Variants in INKA2 observed in about 807,000 individuals in gnomAD.
The protein encoded by INKA2 is PAK4-inhibitor INKA2.
In INKA2, 3 loss-of-function variants were observed where a neutral mutation model predicts 9.8. That is an observed-to-expected ratio of 0.31 (90% CI 0.14 to 0.79). INKA2 has a LOEUF of 0.79. Among genes scored for constraint, INKA2 ranks in the 30% least tolerant of loss-of-function variants. INKA2 has a pLI of 0.62. For synonymous variants in INKA2, 147 were observed against 143.3 expected (o/e 1.03, Z -0.18); for missense variants, 392 against 384.4 (o/e 1.02, Z -0.17).
upstream of INKA2, among the ~76,000 whole-genome samples, chr1:111,740,879 G>T (rs1192998017): frequency 6.6e-6 from 1 of 150,590 alleles, no homozygotes; most frequent in African/African-American, 2.4e-5. Flanking sequence ...GGCTGAGGAA[G>T]GAGAATCGCT....
intron 1 of INKA2, among the ~76,000 whole-genome samples, chr1:111,732,934 T>G (rs1008250732): frequency 1.3e-5 from 2 of 152,162 alleles, no homozygotes; most frequent in Non-Finnish European, 2.9e-5. Context: ...ATCGCCCACT[T>G]TTTGTGCCCG....
At chr1:111,734,729 C>T (rs1180300137) in intron 1 of INKA2, among the ~76,000 whole-genome samples, 1 of 152,264 alleles carries the variant, frequency 6.6e-6, no homozygotes, top group African/African-American at 2.4e-5. Context: ...GTTTCATTAT[C>T]TGCCTGGATT....
At chr1:111,739,680 A>G (rs1663099486), upstream of INKA2, among the ~76,000 whole-genome samples, 1 of 152,218 alleles carries the variant, frequency 6.6e-6, no homozygotes, top group Non-Finnish European at 1.5e-5. Context: ...GTGGTCATAA[A>G]GGGAGAGCAC....
intron 1 of INKA2, among the ~76,000 whole-genome samples, chr1:111,730,397 C>A (rs17028390): frequency 0.013 from 1,948 of 152,276 alleles, 54 homozygotes; most frequent in African/African-American, 0.045. Context: ...TTTCCTCCCA[C>A]AAATGTCGCA....
At position 111,725,417 on chromosome 1, in the gene INKA2, G is replaced by C. The variant is rs1364319726; in HGVS notation, c.*1551C>G. 2.0e-5 allele frequency: 3 copies of C among 151,740 alleles called. No homozygotes were observed. Among genetic ancestry groups the C allele is most frequent in the South Asian group, 2.1e-4 (1 of 4,818 alleles). 9.4% of individuals were successfully genotyped at this position (151,740 alleles called of 1,614,324 possible). ...GACAGTGGCTTCCCAGGGCAGTCCT[G>C]GGGGGGGGCCTGGATCACTAGGTGG... On this transcript the variant is annotated 3_prime_UTR_variant, in exon 2 of 2. Coordinates refer to ENST00000357260, the MANE Select transcript of INKA2 (RefSeq NM_019099.5).
At chr1:111,752,884 G>A (rs1257523022) in intron 1 of INKA2, among the ~76,000 whole-genome samples, 2 of 151,986 alleles carry the variant, frequency 1.3e-5, no homozygotes, top group South Asian at 2.1e-4. Context: ...TTTTCTAGTA[G>A]AGACAGGGTT....
intron 1 of INKA2, 103 bp from the exon 2 acceptor site, chr1:111,727,907 G>A: frequency 9.0e-7 from 1 of 1,110,412 alleles, no homozygotes; most frequent in South Asian, 1.3e-5. Context: ...CACTTCCAGG[G>A]TCATCCAGCC....
chr1:111,739,421 G>A, upstream of INKA2: 3 of 1,462,974 alleles, frequency 2.1e-6, no homozygotes, highest in Non-Finnish European at 2.7e-6. Context: ...AGCCGCGCGC[G>A]GTCGGTGCTG....
chr1:111,730,710 C>T (rs1003848576), intron 1 of INKA2, among the ~76,000 whole-genome samples: 4 of 152,190 alleles, frequency 2.6e-5, no homozygotes, highest in Admixed American at 2.6e-4. Flanking sequence ...ATGCACTCAC[C>T]TCATGTCCTC....
chr1:111,735,741 C>T (rs542508905), intron 1 of INKA2, among the ~76,000 whole-genome samples: 1 of 152,238 alleles, frequency 6.6e-6, no homozygotes, highest in Non-Finnish European at 1.5e-5. Context: ...CCATCTCCTA[C>T]TTTTCTTCTC....
upstream of INKA2, among the ~76,000 whole-genome samples, chr1:111,740,971 TAAAAAAAAAAAAAAAAAAAAAAAAAAAAA>T (rs869221820): frequency 2.3e-3 from 90 of 38,404 alleles, 12 homozygotes; most frequent in South Asian, 6.7e-3. Flanking sequence ...AAACTCCGTT[TAAAAAAAAAAAAAAAAAAAAAAAAAAAAA>T]AAAAAAAAAA....
At chr1:111,741,518 T>C (rs1424146475), upstream of INKA2, among the ~76,000 whole-genome samples, 1 of 152,174 alleles carries the variant, frequency 6.6e-6, no homozygotes, top group East Asian at 1.9e-4. Flanking sequence ...AGAAGTTCTG[T>C]AGTTGAATAC....
At chr1:111,753,232 T>C (rs1464331806) in intron 1 of INKA2, 1 of 152,072 alleles carries the variant, frequency 6.6e-6, no homozygotes, top group African/African-American at 2.4e-5. Flanking sequence ...TTGGGTCTGG[T>C]TGGAGGAGGT....
chr1:111,750,630 A>G (rs1663386478), intron 1 of INKA2, among the ~76,000 whole-genome samples: 1 of 152,208 alleles, frequency 6.6e-6, no homozygotes, highest in South Asian at 2.1e-4. Context: ...CTAAAGTCCT[A>G]GGAACTGCTA....
At position 111,728,095 on chromosome 1, in the gene INKA2, C is replaced by T. The variant is rs535405429; in HGVS notation, c.58-291G>A. Among the ~76,000 whole-genome samples, 19 of 121,660 alleles carry T rather than the reference C, an allele frequency of 1.6e-4. No homozygotes were observed. In the South Asian group the frequency reaches 4.2e-3, roughly 27 times the overall value. 79.8% of individuals were successfully genotyped at this position (121,660 alleles called of 152,430 possible). A position where few individuals can be genotyped will look rare whatever the true frequency, so the allele number is the denominator to read the frequency against. On this transcript the variant is annotated intron_variant, in intron 1 of 1. Coordinates refer to ENST00000357260, the MANE Select transcript of INKA2 (RefSeq NM_019099.5). ...CACAGACATTTCATCTCCCCAACTACCCTATGAGGTAGTGACTATTACTGT... is the reference window on the plus strand; with the variant it reads ...CACAGACATTTCATCTCCCCAACTATCCTATGAGGTAGTGACTATTACTGT...
rs1053615242 is a variant in INKA2, at chr1:111,725,125, C to T, written c.*1843G>A. 6.6e-6 allele frequency: 1 copy of T among 152,240 alleles called. No homozygotes were observed. Among genetic ancestry groups the T allele is most frequent in the African/African-American group, 2.4e-5 (1 of 41,432 alleles). The allele number at this position is 152,240 out of a possible 1,614,324, so 9.4% of individuals were successfully genotyped here. A position where few individuals can be genotyped will look rare whatever the true frequency, so the allele number is the denominator to read the frequency against. ...CCCATAATCCCATCTTGAGCTCTGC[C>T]CCTCTCTCCACTCTCCCCAGGGATC... On this transcript the variant is annotated 3_prime_UTR_variant, in exon 2 of 2. Transcript: ENST00000357260.
Position 111,723,423 on chromosome 1 carries a change from G to T in INKA2, c.*3545C>A, listed in dbSNP as rs1200641283. The T allele has an allele frequency of 7.0e-6, 2 of 286,994 alleles. No homozygotes were observed. Among genetic ancestry groups the T allele is most frequent in the Non-Finnish European group, 1.2e-5 (2 of 172,164 alleles). 17.8% of individuals were successfully genotyped at this position (286,994 alleles called of 1,614,324 possible). A position where few individuals can be genotyped will look rare whatever the true frequency, so the allele number is the denominator to read the frequency against. On this transcript the variant is annotated 3_prime_UTR_variant, in exon 2 of 2. Coordinates refer to ENST00000357260, the MANE Select transcript of INKA2 (RefSeq NM_019099.5). ...AGAAAGGGAGGAGGGAGACCAGGCCGGCCCCACTAGCATGCCCAGCAGGGA... is the reference window on the plus strand; with the variant it reads ...AGAAAGGGAGGAGGGAGACCAGGCCTGCCCCACTAGCATGCCCAGCAGGGA...
chr1:111,741,741 T>A (rs910164417), upstream of INKA2, among the ~76,000 whole-genome samples: 1 of 152,184 alleles, frequency 6.6e-6, no homozygotes, highest in African/African-American at 2.4e-5. Context: ...TTTTGTTTTT[T>A]GAGACAGCCT....
chr1:111,749,288 G>A (rs552590358), intron 1 of INKA2, among the ~76,000 whole-genome samples: 4 of 152,268 alleles, frequency 2.6e-5, no homozygotes, highest in South Asian at 2.1e-4. Flanking sequence ...ACAGGAAGGC[G>A]AGGCCCCATC....
Sources: allele counts gnomAD v4.1 joint callset (sites outside exome capture counted in the v4.1 genomes callset), GRCh38; gene constraint gnomAD v4.1.1; transcripts MANE v1.5; gene names NCBI Gene and HGNC (gene_info 2026-07-23, HGNC 2026-07-21).